Variants in CLCN5 observed in about 807,000 individuals in gnomAD.
CLCN5 encodes Cl-/H+ antiporter 5.
A neutral mutation model predicts 54.0 loss-of-function variants in CLCN5; 17 were observed. That is an observed-to-expected ratio of 0.31 (90% CI 0.22 to 0.47). The LOEUF (loss-of-function observed/expected upper bound fraction) is 0.47, where lower values mean the gene tolerates loss of function less well. CLCN5 is among the 20% of genes least tolerant of loss of function. The probability of loss-of-function intolerance (pLI) is 1.00; values close to 1 mark genes in which losing one functional copy is unlikely to be tolerated. For missense variants in CLCN5, 448 were observed against 646.7 expected (o/e 0.69, Z 3.33); for synonymous variants, 222 against 233.0 (o/e 0.95, Z 0.43).
chrX:49,946,221 G>A (rs1227209206), intron 3 of CLCN5, among the ~76,000 whole-genome samples: 2 of 111,506 alleles, frequency 1.8e-5, no homozygotes, highest in South Asian at 7.4e-4. Context: ...TTTGTTTTCC[G>A]TTGCTGCATA....
At chrX:50,080,907 G>C (rs982326037) in intron 8 of CLCN5, among the ~76,000 whole-genome samples, 191 bp downstream of exon 8, 11 of 111,297 alleles carry the variant, frequency 9.9e-5, no homozygotes, top group Non-Finnish European at 2.1e-4. Flanking sequence ...AAAGGGAGTT[G>C]ATTCTTAGCC....
chrX:50,058,986 A>T (rs1932809481), intron 4 of CLCN5, among the ~76,000 whole-genome samples: 1 of 111,579 alleles, frequency 9.0e-6, no homozygotes, highest in Admixed American at 9.5e-5. Context: ...AGCCTTTTGC[A>T]TTTTGTTACT....
rs1172880714 is a variant in CLCN5 at position 50,075,818 on chromosome X, A to C, written c.439A>C (p.Ile147Leu). 3.3e-6 allele frequency: 4 copies of C among 1,211,302 alleles called. No individual in the cohort carries two copies. The highest frequency in any genetic ancestry group is 4.5e-6 in the Non-Finnish European group (4 of 895,252). The change falls in exon 7 of 15, where the codon ATC becomes CTC. Residue 147 changes from isoleucine (I) to leucine (L), a missense_variant. Ile to Leu is a conservative substitution (Grantham distance 5). Around this residue, in one of 5 missense-constraint regions of CLCN5, gnomAD observed 41 missense variants for 71.3 expected, o/e 0.58. Coordinates refer to ENST00000376091, the MANE Select transcript of CLCN5 (RefSeq NM_001127898.4). ...LSGSLAGLID[I>L]SAHWMTDLKE... ...AGGTTCGTTAGCTGGTTTGATAGAC[A>C]TCTCTGCTCATTGGATGACAGACTT...
intron 9 of CLCN5, chrX:50,085,779 C>T: frequency 2.2e-6 from 1 of 455,113 alleles, no homozygotes; most frequent in Non-Finnish European, 3.9e-6. Flanking sequence ...AGGAAAGGTC[C>T]TCTTACCTGG....
In CLCN5 at chrX:50,032,141, C is replaced by A. The variant is rs1349114448; in HGVS notation, c.17-10175C>A. 2.4e-4 allele frequency among the ~76,000 whole-genome samples: 27 copies of A among 110,551 alleles called. 1 individual carries two copies. In the South Asian group the frequency reaches 0.011, roughly 44 times the overall value. On this transcript the variant is annotated intron_variant, in intron 3 of 14. Transcript: ENST00000376091. ...TCATTGTTGGACATCTGGGTTGGTT[C>A]CAAGTCTTTGCTATTGTGAATAGTG...
intron 4 of CLCN5, among the ~76,000 whole-genome samples, chrX:50,048,562 T>G (rs1308466670): frequency 8.9e-6 from 1 of 112,886 alleles, no homozygotes; most frequent in Non-Finnish European, 1.9e-5. Context: ...AATCCATTAC[T>G]ACATTTTGTT....
chrX:49,998,899 C>A (rs1929659564), intron 3 of CLCN5, among the ~76,000 whole-genome samples: 1 of 111,506 alleles, frequency 9.0e-6, no homozygotes, highest in African/African-American at 3.3e-5. Context: ...CTGATGTGTT[C>A]ACCCTCCCAT....
intron 3 of CLCN5, among the ~76,000 whole-genome samples, chrX:50,012,363 A>C (rs1210883846): frequency 4.5e-5 from 5 of 112,224 alleles, no homozygotes; most frequent in African/African-American, 1.6e-4. Context: ...GCTTGAAGGA[A>C]AGTGGCCCTA....
chrX:49,966,234 T>C (rs924803132), intron 3 of CLCN5, among the ~76,000 whole-genome samples: 38 of 111,966 alleles, frequency 3.4e-4, no homozygotes, highest in Middle Eastern at 4.6e-3. Flanking sequence ...TAACTACAAA[T>C]TCAATTTTTT....
At chrX:49,930,239 A>T (rs1339581926) in intron 3 of CLCN5, among the ~76,000 whole-genome samples, 4 of 111,952 alleles carry the variant, frequency 3.6e-5, no homozygotes, top group Admixed American at 1.9e-4. Flanking sequence ...GTTGGCAAGG[A>T]CTCAAGGAAG....
chrX:50,080,470 A>G, intron 7 of CLCN5, 124 bp from the exon 8 acceptor site: 1 of 640,945 alleles, frequency 1.6e-6, no homozygotes, highest in Non-Finnish European at 2.3e-6. Flanking sequence ...GTCTTGAACA[A>G]TTTAATCTCG....
At chrX:49,928,979 A>G (rs1230722385) in intron 3 of CLCN5, among the ~76,000 whole-genome samples, 2 of 112,051 alleles carry the variant, frequency 1.8e-5, no homozygotes, top group Admixed American at 1.9e-4. Flanking sequence ...GATATGCCCA[A>G]CGTCAAACAG....
At chrX:50,076,769 A>C (rs2033328108) in intron 7 of CLCN5, among the ~76,000 whole-genome samples, 1 of 112,093 alleles carries the variant, frequency 8.9e-6, no homozygotes, top group African/African-American at 3.2e-5. Context: ...CTTTGCCTCA[A>C]GTGACCCTCC....
rs1161956431 is a variant in CLCN5, at chrX:50,050,657, C to CTT, written c.163+8214_163+8215dup. On this transcript the variant is annotated intron_variant, in intron 4 of 14. Transcript: ENST00000376091. Reference sequence around the variant, plus strand: ...CCTAGTCTGTGGCTTGTCTTCTTGGCTTTTTTTTTTTTTTTTTTTTGAGAT... The same window carrying CTT: ...CCTAGTCTGTGGCTTGTCTTCTTGGCTTTTTTTTTTTTTTTTTTTTTTGAGAT... Among the ~76,000 whole-genome samples the CTT allele has an allele frequency of 5.9e-3, 360 of 61,264 alleles. 35 individuals are homozygous for CTT. The highest frequency in any genetic ancestry group is 0.02 in the African/African-American group (271 of 13,428). The allele number at this position is 61,264 out of a possible 115,157, so 53.2% of individuals were successfully genotyped here.
At chrX:49,990,217 T>C (rs955809155) in intron 3 of CLCN5, among the ~76,000 whole-genome samples, 1 of 110,207 alleles carries the variant, frequency 9.1e-6, no homozygotes. Flanking sequence ...CAGGCTGGAG[T>C]GCAGTGGCAC....
At chrX:50,001,767 T>C (rs1387943572) in intron 3 of CLCN5, among the ~76,000 whole-genome samples, 19 of 109,772 alleles carry the variant, frequency 1.7e-4, no homozygotes, top group Non-Finnish European at 5.7e-5. Context: ...AAAAATTAAT[T>C]CAAGATGGAT....
At chrX:50,054,021 G>C (rs1476764614) in intron 4 of CLCN5, among the ~76,000 whole-genome samples, 1 of 110,703 alleles carries the variant, frequency 9.0e-6, no homozygotes, top group Non-Finnish European at 1.9e-5. Context: ...TCTGTGTCTT[G>C]CAGCTCTTTC....
intron 3 of CLCN5, among the ~76,000 whole-genome samples, chrX:49,997,086 G>A (rs1441754947): frequency 1.8e-5 from 2 of 111,414 alleles, no homozygotes; most frequent in Non-Finnish European, 3.8e-5. Context: ...CAGTAGTTCA[G>A]CATTTTCATT....
chrX:50,011,504 C>G (rs1930501536), intron 3 of CLCN5, among the ~76,000 whole-genome samples: 1 of 112,153 alleles, frequency 8.9e-6, no homozygotes, highest in African/African-American at 3.2e-5. Flanking sequence ...TCTCAAATGT[C>G]CCCAATCCTT....
Sources: gnomAD v4.1 joint callset for allele counts (sites outside exome capture counted in the v4.1 genomes callset) on GRCh38, gnomAD v4.1.1 for gene constraint, gnomAD v4.1.1 regional missense constraint, MANE v1.5 for transcripts, NCBI Gene and HGNC (gene_info 2026-07-23, HGNC 2026-07-21) for gene names.